DCTN1: variants seen among roughly 807,000 people sequenced by gnomAD.
DCTN1 encodes dynactin subunit 1.
DCTN1 carries 61 observed loss-of-function variants against 161.2 expected under a neutral mutation model. That is an observed-to-expected ratio of 0.38 (90% CI 0.31 to 0.47). The LOEUF is 0.47. Among genes scored for constraint, DCTN1 ranks in the 20% least tolerant of loss-of-function variants. The probability of loss-of-function intolerance (pLI) is 0.99; values close to 1 mark genes in which losing one functional copy is unlikely to be tolerated. For missense variants in DCTN1, 1,404 were observed against 1,623.7 expected (o/e 0.86, Z 2.33); for synonymous variants, 653 against 632.4 (o/e 1.03, Z -0.49).
At chr2:74,382,341 T>C (rs1254748562), upstream of DCTN1, among the ~76,000 whole-genome samples, 3 of 152,196 alleles carry the variant, frequency 2.0e-5, no homozygotes. Flanking sequence ...GGCTCATGCC[T>C]GTAATCCCAA....
rs1007184904 is a variant in DCTN1 at position 74,361,363 on chromosome 2, G to A, written c.*136C>T. 6 of 1,235,510 alleles carry A rather than the reference G, an allele frequency of 4.9e-6. No homozygotes were observed. In the Admixed American group the frequency reaches 1.2e-4, roughly 24 times the overall value. 76.5% of individuals were successfully genotyped at this position (1,235,510 alleles called of 1,614,324 possible). On this transcript the variant is annotated 3_prime_UTR_variant, in exon 32 of 32. Transcript: ENST00000628224. ...AGGTGAAGGGGCAGGACGCTGAAAG[G>A]GTGGGAGTGAAGCTGAACGGGGCAG...
At chr2:74,364,992 T>TGG (rs1674295230) in intron 26 of DCTN1, 83 bp downstream of exon 26, 2 of 1,569,960 alleles carry the variant, frequency 1.3e-6, no homozygotes, top group East Asian at 4.5e-5. Context: ...GTAAGGGGGG[T>TGG]GGGGCAGAGG....
chr2:74,374,578 C>A, intron 5 of DCTN1: 1 of 1,313,180 alleles, frequency 7.6e-7, no homozygotes, highest in Non-Finnish European at 9.9e-7. Context: ...CAGAGGCCCC[C>A]GCAGACGTGC....
At chr2:74,380,982 C>T (rs754632150), upstream of DCTN1, among the ~76,000 whole-genome samples, 15 of 152,222 alleles carry the variant, frequency 9.9e-5, no homozygotes, top group Non-Finnish European at 1.6e-4. Context: ...CCCAGTCCAC[C>T]TCAGTCATCT....
chr2:74,391,603 C>G (rs369865293), intron 1 of DCTN1: 528 of 353,844 alleles, frequency 1.5e-3, no homozygotes, highest in Middle Eastern at 5.2e-3. Flanking sequence ...CAATGCTAGG[C>G]TGAAGAGCTG....
intron 6 of DCTN1, 90 bp from the exon 7 acceptor site, chr2:74,373,038 G>T: frequency 8.0e-7 from 1 of 1,249,936 alleles, no homozygotes; most frequent in Non-Finnish European, 1.2e-6. Flanking sequence ...AGCAATGAGA[G>T]CAGAAGAAAT....
upstream of DCTN1, among the ~76,000 whole-genome samples, chr2:74,381,025 T>A (rs1472956013): frequency 1.3e-5 from 2 of 152,230 alleles, no homozygotes; most frequent in African/African-American, 4.8e-5. Flanking sequence ...CCTCCTAGCA[T>A]CTCAGACCCA....
Position 74,376,839 on chromosome 2 carries a change from C to T in DCTN1, c.394-77G>A, listed in dbSNP as rs1281322595. On this transcript the variant is annotated intron_variant, in intron 4 of 31. Transcript: ENST00000628224. ...AGGTGTTAAGACCAACTCGGGCTTA[C>T]ACAGGTTAGACGCGGGTAGGGGGGA... 9.2e-6 allele frequency: 13 copies of T among 1,410,652 alleles called. No individual in the cohort carries two copies. The East Asian group carries it at 1.7e-4, about 18-fold the overall frequency. 87.4% of individuals were successfully genotyped at this position (1,410,652 alleles called of 1,614,324 possible).
At chr2:74,362,422 GCCTGAA>G (rs1674077615) in intron 30 of DCTN1, among the ~76,000 whole-genome samples, 1 of 152,172 alleles carries the variant, frequency 6.6e-6, no homozygotes, top group Admixed American at 6.5e-5. Flanking sequence ...GGAAGCTAAA[GCCTGAA>G]CCAGTCACTC....
intron 6 of DCTN1, chr2:74,373,245 C>G (rs961892778): frequency 4.6e-5 from 22 of 481,670 alleles, no homozygotes; most frequent in African/African-American, 4.3e-4. Flanking sequence ...TAGGCTGAGC[C>G]ATAGAACAAG....
At chr2:74,384,419 C>T (rs1011558391), upstream of DCTN1, among the ~76,000 whole-genome samples, 1 of 152,188 alleles carries the variant, frequency 6.6e-6, no homozygotes, top group African/African-American at 2.4e-5. Flanking sequence ...TTAATGTTAC[C>T]CCAGCCAGGG....
chr2:74,368,980 C>G, intron 15 of DCTN1, 100 bp from the exon 16 acceptor site: 1 of 1,572,008 alleles, frequency 6.4e-7, no homozygotes, highest in Non-Finnish European at 8.7e-7. Context: ...AGGGCAAGCC[C>G]AGGCCAGAGT....
At chr2:74,365,410 G>A in intron 25 of DCTN1, 105 bp downstream of exon 25, 1 of 1,577,062 alleles carries the variant, frequency 6.3e-7, no homozygotes, top group Non-Finnish European at 8.7e-7. Flanking sequence ...AAGAAAATGG[G>A]GAGTCTCACT....
chr2:74,390,614 T>C (rs1408429178), intron 1 of DCTN1: 2 of 468,680 alleles, frequency 4.3e-6, no homozygotes, highest in Non-Finnish European at 4.4e-6. Context: ...AGTGACTCTC[T>C]CAAGGCAGCA....
In DCTN1 at chr2:74,369,295, T is replaced by C. The variant is rs1283119090; in HGVS notation, c.1584+5A>G. The stretch of plus-strand genomic sequence containing the variant: ...GTGGGCAGAGAGCAAACAGTGGGCA[T>C]GTACCTGTAGATGGGCGGTCAGCTG... On this transcript the variant is annotated splice_donor_5th_base_variant and intron_variant, in intron 14 of 31. Transcript: ENST00000628224. This position sits in a 1 kb window ranked among gnomAD's most constrained non-coding sequence, Gnocchi z 4.9. 7.4e-6 allele frequency: 12 copies of C among 1,614,190 alleles called. No individual in the cohort carries two copies. Among genetic ancestry groups the C allele is most frequent in the East Asian group, 2.2e-5 (1 of 44,880 alleles).
Position 74,361,478 on chromosome 2 carries a change from G to A in DCTN1, c.*21C>T, listed in dbSNP as rs11555696. The A allele has an allele frequency of 0.028, 44,413 of 1,613,896 alleles. 704 individuals carry two copies. The highest frequency in any genetic ancestry group is 0.032 in the Non-Finnish European group (37,488 of 1,179,988). On this transcript the variant is annotated 3_prime_UTR_variant, in exon 32 of 32. Coordinates refer to ENST00000628224, the MANE Select transcript of DCTN1 (RefSeq NM_004082.5). ...CACCAGAGGGCTGAGGGTCGAAGGG[G>A]ACAGCAGGGGAAAGGAGTGCTTAGG... is the stretch of plus-strand genomic sequence containing the variant.
intron 15 of DCTN1, 66 bp from the exon 16 acceptor site, chr2:74,368,946 T>C: frequency 1.3e-6 from 2 of 1,599,740 alleles, no homozygotes; most frequent in Admixed American, 3.3e-5. Context: ...TCCCATGCCT[T>C]GCTCCAGTAG....
rs58901202 is a variant in DCTN1, at chr2:74,369,816, GAAAAAA to G, written c.1392+143_1392+148del. 3.3e-5 allele frequency: 17 copies of G among 511,226 alleles called. No individual in the cohort carries two copies. Among genetic ancestry groups the G allele is most frequent in the Middle Eastern group, 5.0e-4 (1 of 1,988 alleles). The allele number at this position is 511,226 out of a possible 1,614,324, so 31.7% of individuals were successfully genotyped here. On this transcript the variant is annotated intron_variant, in intron 13 of 31. Coordinates refer to ENST00000628224, the MANE Select transcript of DCTN1 (RefSeq NM_004082.5). The surrounding 1 kb of genome is among the most constrained non-coding windows in gnomAD (Gnocchi z 4.9). ...GGCAACAGAGCGAGATTCCATCTCA[GAAAAAA>G]AAAAAAAAAAAAAAGGCAGGGTCAG...
At chr2:74,382,736 G>C (rs1047905640), upstream of DCTN1, among the ~76,000 whole-genome samples, 1 of 152,076 alleles carries the variant, frequency 6.6e-6, no homozygotes, top group African/African-American at 2.4e-5. Context: ...GAGCTAGAAA[G>C]AAAGGGAGTA....
Sources: gnomAD v4.1 joint callset for allele counts (sites outside exome capture counted in the v4.1 genomes callset) on GRCh38, gnomAD v4.1.1 for gene constraint, Gnocchi (gnomAD v3.1) non-coding constraint, MANE v1.5 for transcripts, NCBI Gene and HGNC (gene_info 2026-07-23, HGNC 2026-07-21) for gene names.